Variants in ARID4B observed in about 807,000 individuals in gnomAD.
The protein encoded by ARID4B is AT-rich interaction domain 4B, also known as AT-rich interactive domain-containing protein 4B.
Under a neutral mutation model 147.5 loss-of-function variants are expected in ARID4B, and 26 were observed. The ratio of observed to expected loss-of-function variants is 0.18; its 90% CI spans 0.13 to 0.24. The LOEUF is 0.24. Among genes scored for constraint, ARID4B ranks in the 10% least tolerant of loss-of-function variants. ARID4B has a pLI of 1.00. For missense variants in ARID4B, 1,179 were observed against 1,511.5 expected (o/e 0.78, Z 3.65); for synonymous variants, 512 against 507.9 (o/e 1.01, Z -0.11).
chr1:235,231,257 C>A, intron 9 of ARID4B, 68 bp from the exon 10 acceptor site: 8 of 820,076 alleles, frequency 9.8e-6, no homozygotes, highest in South Asian at 3.6e-5. Flanking sequence ...AATTAAGAAT[C>A]CAGATGATTA....
chr1:235,178,829 A>C (rs1389185961), intron 20 of ARID4B, among the ~76,000 whole-genome samples: 1 of 148,648 alleles, frequency 6.7e-6, no homozygotes, highest in Non-Finnish European at 1.5e-5. Flanking sequence ...CAGGACAAGT[A>C]ATTAACTGTC....
chr1:235,197,056 C>T (rs747257299), intron 17 of ARID4B, among the ~76,000 whole-genome samples: 5 of 151,870 alleles, frequency 3.3e-5, no homozygotes, highest in Non-Finnish European at 5.9e-5. Flanking sequence ...TGATTCAATG[C>T]TGATGGTCTT....
At chr1:235,187,216 G>C in intron 19 of ARID4B, 1 of 233,068 alleles carries the variant, frequency 4.3e-6, no homozygotes, top group Non-Finnish European at 8.5e-6. Context: ...CAAGCAGCTG[G>C]AACTACAGGC....
At chr1:235,174,188 T>C (rs1663681851) in intron 22 of ARID4B, among the ~76,000 whole-genome samples, 1 of 151,902 alleles carries the variant, frequency 6.6e-6, no homozygotes, top group Non-Finnish European at 1.5e-5. Flanking sequence ...TACAAGCGCG[T>C]GCCACCACGC....
At chr1:235,264,125 C>G (rs1156812082) in intron 2 of ARID4B, among the ~76,000 whole-genome samples, 1 of 152,208 alleles carries the variant, frequency 6.6e-6, no homozygotes, top group African/African-American at 2.4e-5. Flanking sequence ...GATCTTACTG[C>G]TGCCACCTCT....
chr1:235,302,180 G>GA (rs1673214959), intron 2 of ARID4B, among the ~76,000 whole-genome samples: 8 of 39,670 alleles, frequency 2.0e-4, no homozygotes, highest in Non-Finnish European at 2.9e-4. Flanking sequence ...AAAAAAAACA[G>GA]CAAAAAAAAA....
chr1:235,223,283 T>C (rs954737515), intron 12 of ARID4B, 23 bp from the exon 13 acceptor site: 6 of 1,307,560 alleles, frequency 4.6e-6, no homozygotes, highest in African/African-American at 1.6e-5. Context: ...ACACAAACTA[T>C]ATTAGATCCA....
At chr1:235,183,390 A>G (rs1479212793) in intron 19 of ARID4B, among the ~76,000 whole-genome samples, 1 of 152,012 alleles carries the variant, frequency 6.6e-6, no homozygotes, top group East Asian at 1.9e-4. Context: ...TTGTATTTTT[A>G]GTAGACACGG....
At chr1:235,187,674 C>G (rs1571924827) in intron 19 of ARID4B, among the ~76,000 whole-genome samples, 3 of 152,278 alleles carry the variant, frequency 2.0e-5, no homozygotes, top group Admixed American at 2.0e-4. Flanking sequence ...TCTGTGTTCT[C>G]TACTCACAAG....
intron 17 of ARID4B, among the ~76,000 whole-genome samples, chr1:235,197,120 A>G (rs1665560873): frequency 6.6e-6 from 1 of 152,142 alleles, no homozygotes; most frequent in South Asian, 2.1e-4. Flanking sequence ...TATTTGTTTA[A>G]AGCAAAAAAA....
At chr1:235,326,325 T>C (rs1202505744) in intron 2 of ARID4B, among the ~76,000 whole-genome samples, 1 of 152,136 alleles carries the variant, frequency 6.6e-6, no homozygotes, top group Admixed American at 6.5e-5. Context: ...CACATCATAA[T>C]GCAACAGAGC....
intron 2 of ARID4B, among the ~76,000 whole-genome samples, chr1:235,294,611 G>A (rs1216748681): frequency 7.3e-6 from 1 of 137,356 alleles, no homozygotes; most frequent in Admixed American, 7.3e-5. Context: ...CAATTCTCCC[G>A]CTTGAACCCA....
intron 19 of ARID4B, 129 bp from the exon 20 acceptor site, chr1:235,182,922 G>T: frequency 1.3e-6 from 1 of 768,566 alleles, no homozygotes; most frequent in Non-Finnish European, 1.9e-6. Context: ...TTATCTCTAT[G>T]TAACATGCAA....
At chr1:235,266,570 T>C (rs1366873707) in intron 2 of ARID4B, among the ~76,000 whole-genome samples, 1 of 152,200 alleles carries the variant, frequency 6.6e-6, no homozygotes, top group Non-Finnish European at 1.5e-5. Context: ...GTCTACGAAA[T>C]GTCCTAAGTG....
At chr1:235,326,761 G>A (rs1388017919) in intron 2 of ARID4B, 153 bp downstream of exon 2, 1 of 898,398 alleles carries the variant, frequency 1.1e-6, no homozygotes, top group African/African-American at 1.6e-5. Flanking sequence ...CCCGCCAGCT[G>A]ACCCCGGTCT....
intron 3 of ARID4B, among the ~76,000 whole-genome samples, chr1:235,259,226 G>T (rs898102740): frequency 6.6e-6 from 1 of 152,250 alleles, no homozygotes; most frequent in African/African-American, 2.4e-5. Context: ...AGAAATGGCA[G>T]GACTGCTACA....
chr1:235,252,786 T>A lies in ARID4B; in HGVS notation c.298A>T (p.Thr100Ser). The A allele has an allele frequency of 1.2e-6, 2 of 1,610,414 alleles. No individual in the cohort carries two copies. Among genetic ancestry groups the A allele is most frequent in the Non-Finnish European group, 1.7e-6 (2 of 1,178,136 alleles). ...TVVFDDGDEKTLRRSSLCLKG... is the reference protein window; with the variant it reads ...TVVFDDGDEKSLRRSSLCLKG... ...AGGCACAGTGAAGATCGTCTCAGTGTCTTCTCATCTCCGTCATCAAAAACT... is the reference window on the plus strand; with the variant it reads ...AGGCACAGTGAAGATCGTCTCAGTGACTTCTCATCTCCGTCATCAAAAACT... Residue 100 changes from threonine to serine, a missense_variant, in exon 6 of 24, where the codon ACA (threonine) becomes TCA (serine). Thr to Ser is a moderately conservative substitution (Grantham distance 58). Around this residue, in one of 10 missense-constraint regions of ARID4B, gnomAD observed 1 missense variants for 20.3 expected, o/e 0.05. Transcript: ENST00000264183.
At chr1:235,327,739 G>A (rs942403545) in intron 1 of ARID4B, 30 bp downstream of exon 1, 1 of 152,642 alleles carries the variant, frequency 6.6e-6, no homozygotes, top group Non-Finnish European at 1.5e-5. Flanking sequence ...CCCCTTAGGA[G>A]ACCACGAAAG....
chr1:235,324,222 TAA>T (rs914511479), intron 2 of ARID4B, among the ~76,000 whole-genome samples: 8 of 152,312 alleles, frequency 5.3e-5, no homozygotes, highest in African/African-American at 1.9e-4. Context: ...CACTGATTTT[TAA>T]AAGTCTATCA....
Sources: gnomAD v4.1 joint callset for allele counts (sites outside exome capture counted in the v4.1 genomes callset) on GRCh38, gnomAD v4.1.1 for gene constraint, gnomAD v4.1.1 regional missense constraint, MANE v1.5 for transcripts, NCBI Gene and HGNC (gene_info 2026-07-23, HGNC 2026-07-21) for gene names.